Variants in SOX5 observed in about 807,000 individuals in gnomAD.
SOX5 encodes the protein SRY-box transcription factor 5.
Under a neutral mutation model 92.0 loss-of-function variants are expected in SOX5, and 9 were observed. The observed-to-expected ratio is 0.10, with a 90% CI of 0.06 to 0.17. The LOEUF (loss-of-function observed/expected upper bound fraction) is 0.17. Among genes scored for constraint, SOX5 ranks in the 10% least tolerant of loss-of-function variants. The probability of loss-of-function intolerance (pLI) is 1.00; values close to 1 mark genes in which losing one functional copy is unlikely to be tolerated. For synonymous variants in SOX5, 344 were observed against 336.3 expected, an observed-to-expected ratio of 1.02 and a Z score of -0.25; for missense variants, 642 against 944.5, an observed-to-expected ratio of 0.68 and a Z score of 4.20.
intron 3 of SOX5, among the ~76,000 whole-genome samples, chr12:23,819,860 T>C (rs2096072541): frequency 6.6e-6 from 1 of 152,246 alleles, no homozygotes; most frequent in Non-Finnish European, 1.5e-5. Flanking sequence ...CTCCAAGTCT[T>C]TGCTATTGTG....
intron 3 of SOX5, among the ~76,000 whole-genome samples, chr12:23,818,460 C>G (rs1473537728): frequency 1.3e-5 from 2 of 152,084 alleles, no homozygotes; most frequent in Admixed American, 1.3e-4. Context: ...ATGAACAGAG[C>G]TTGAAGGACT....
chr12:24,318,974 C>T (rs1018858644), intron 2 of SOX5, among the ~76,000 whole-genome samples: 8 of 152,146 alleles, frequency 5.3e-5, no homozygotes, highest in East Asian at 1.9e-4. Context: ...CACCTCACAC[C>T]GCAAAACTGG....
At chr12:24,027,858 A>G (rs1955049704) in intron 4 of SOX5, among the ~76,000 whole-genome samples, 1 of 151,896 alleles carries the variant, frequency 6.6e-6, no homozygotes, top group Non-Finnish European at 1.5e-5. Flanking sequence ...TCATCTTTTG[A>G]AAATGCGAAA....
At chr12:23,761,076 T>C (rs995114961) in intron 3 of SOX5, among the ~76,000 whole-genome samples, 5 of 152,098 alleles carry the variant, frequency 3.3e-5, no homozygotes, top group African/African-American at 9.7e-5. Context: ...AGTGTACACA[T>C]TGAGGAATGG....
At chr12:24,411,672 T>C (rs1461277372) in intron 1 of SOX5, among the ~76,000 whole-genome samples, 1 of 152,344 alleles carries the variant, frequency 6.6e-6, no homozygotes, top group East Asian at 1.9e-4. Flanking sequence ...TTGGTCATGA[T>C]GTATAATATG....
intron 3 of SOX5, among the ~76,000 whole-genome samples, chr12:23,773,020 T>G (rs2094983329): frequency 6.6e-6 from 1 of 152,194 alleles, no homozygotes; most frequent in Non-Finnish European, 1.5e-5. Context: ...CTTAGTTATT[T>G]GCAATGCCAA....
intron 6 of SOX5, among the ~76,000 whole-genome samples, chr12:23,715,253 A>C (rs1384706067): frequency 6.6e-6 from 1 of 151,056 alleles, no homozygotes; most frequent in Non-Finnish European, 1.5e-5. Context: ...GAGCCGAGAT[A>C]GTGCCACTGC....
At chr12:24,179,158 C>T (rs1955176248) in intron 4 of SOX5, among the ~76,000 whole-genome samples, 2 of 152,104 alleles carry the variant, frequency 1.3e-5, no homozygotes, top group Admixed American at 6.5e-5. Flanking sequence ...GCTAAATAAA[C>T]ATTTAACATT....
intron 1 of SOX5, among the ~76,000 whole-genome samples, chr12:24,476,714 GGA>G (rs1211289515): frequency 3.3e-5 from 5 of 151,870 alleles, no homozygotes; most frequent in Non-Finnish European, 5.9e-5. Flanking sequence ...CATTAGAGTG[GGA>G]GTTCCTTGAG....
chr12:24,074,341 A>T (rs915858500), intron 4 of SOX5, among the ~76,000 whole-genome samples: 2 of 152,062 alleles, frequency 1.3e-5, no homozygotes, highest in Admixed American at 1.3e-4. Context: ...TTCTAATTCT[A>T]TAGAAAGACA....
intron 1 of SOX5, among the ~76,000 whole-genome samples, chr12:24,424,558 ACCC>A (rs1202504796): frequency 6.6e-6 from 1 of 151,324 alleles, no homozygotes; most frequent in Non-Finnish European, 1.5e-5. Flanking sequence ...TCTTCCCCCC[ACCC>A]CCCAAGTTAC....
intron 4 of SOX5, among the ~76,000 whole-genome samples, chr12:24,081,580 A>C (rs1393575325): frequency 6.6e-6 from 1 of 151,864 alleles, no homozygotes; most frequent in African/African-American, 2.4e-5. Flanking sequence ...CCTCCGTAGG[A>C]CCTTTATTAA....
At chr12:24,327,299 TA>T (rs1950805828) in intron 2 of SOX5, among the ~76,000 whole-genome samples, 1 of 150,644 alleles carries the variant, frequency 6.6e-6, no homozygotes, top group Non-Finnish European at 1.5e-5. Context: ...GTTTCCTTAT[TA>T]ACAAAGATCA....
intron 1 of SOX5, among the ~76,000 whole-genome samples, chr12:23,935,776 A>G (rs546892396): frequency 3.0e-4 from 46 of 151,364 alleles, no homozygotes; most frequent in African/African-American, 1.1e-3. Flanking sequence ...AGCATTTAAT[A>G]TAATACCTGG....
chr12:24,113,378 T>C (rs1947605830), intron 4 of SOX5, among the ~76,000 whole-genome samples: 1 of 151,596 alleles, frequency 6.6e-6, no homozygotes, highest in Non-Finnish European at 1.5e-5. Context: ...CAGGAAAAAA[T>C]GAAGTATAAT....
intron 3 of SOX5, among the ~76,000 whole-genome samples, chr12:23,769,693 G>T (rs925912579): frequency 6.6e-6 from 1 of 152,124 alleles, no homozygotes; most frequent in African/African-American, 2.4e-5. Context: ...ATAGGGGCCG[G>T]TCTACAACTC....
chr12:23,576,161 C>T lies in SOX5; in HGVS notation c.1165-323G>A, dbSNP rs572782676. 2.6e-5 allele frequency among the ~76,000 whole-genome samples: 4 copies of T among 151,738 alleles called. No individual in the cohort carries two copies. The South Asian group carries it at 6.3e-4, about 24-fold the overall frequency. ...TTCATTTGTATTGAGAGATATTACA[C>T]ATTAAATCTGAAATATGATGTAGGT... On this transcript the variant is annotated intron_variant, in intron 9 of 14. Transcript: ENST00000451604.
intron 2 of SOX5, among the ~76,000 whole-genome samples, chr12:24,306,104 T>C (rs1948534175): frequency 6.6e-6 from 1 of 152,120 alleles, no homozygotes; most frequent in African/African-American, 2.4e-5. Context: ...GCTTAAGAGA[T>C]TGTCAGACTG....
At chr12:23,808,239 T>A (rs2095816252) in intron 3 of SOX5, among the ~76,000 whole-genome samples, 1 of 152,124 alleles carries the variant, frequency 6.6e-6, no homozygotes, top group Non-Finnish European at 1.5e-5. Context: ...TAACTCTGTA[T>A]TTCTACCACC....
Sources: gnomAD v4.1 joint callset for allele counts (sites outside exome capture counted in the v4.1 genomes callset) on GRCh38, gnomAD v4.1.1 for gene constraint, MANE v1.5 for transcripts, NCBI Gene and HGNC (gene_info 2026-07-23, HGNC 2026-07-21) for gene names.